SLC39A10: variants seen among roughly 807,000 people sequenced by gnomAD.
The protein encoded by SLC39A10 is solute carrier family 39 member 10.
A neutral mutation model predicts 65.1 loss-of-function variants in SLC39A10; 13 were observed. The ratio of observed to expected loss-of-function variants is 0.20; its 90% CI spans 0.13 to 0.32. SLC39A10 has a LOEUF of 0.32. SLC39A10 is among the 10% of genes least tolerant of loss of function. SLC39A10 has a pLI of 1.00. For synonymous variants in SLC39A10, 321 were observed against 342.2 expected, an observed-to-expected ratio of 0.94 and a Z score of 0.68; for missense variants, 831 against 1,018.4, an observed-to-expected ratio of 0.82 and a Z score of 2.50.
intron 9 of SLC39A10, among the ~76,000 whole-genome samples, chr2:195,734,180 AGTT>A (rs1257454729): frequency 4.8e-5 from 7 of 147,122 alleles, no homozygotes; most frequent in Non-Finnish European, 9.0e-5. Context: ...AAAAAAAAAA[AGTT>A]TTTTTGAGAT....
At chr2:195,658,279 C>T (rs988176314) in intron 1 of SLC39A10, 2 of 152,172 alleles carry the variant, frequency 1.3e-5, no homozygotes, top group Admixed American at 1.3e-4. Flanking sequence ...GGAGCCTGTC[C>T]ACATGGGCTG....
At chr2:195,632,290 CTTTTTTTTTTTTT>C (rs202193660) in intron 2 of SLC39A10, among the ~76,000 whole-genome samples, 30 of 69,256 alleles carry the variant, frequency 4.3e-4, no homozygotes, top group African/African-American at 1.7e-3. Context: ...ATTCTACTTC[CTTTTTTTTTTTTT>C]TTTTTTTTTT....
intron 2 of SLC39A10, among the ~76,000 whole-genome samples, chr2:195,647,779 T>TGCAG (rs1688955310): frequency 2.0e-5 from 3 of 152,078 alleles, no homozygotes; most frequent in African/African-American, 7.2e-5. Context: ...TATCAGTTAC[T>TGCAG]TATCAGAGTG....
chr2:195,736,885 T>TATCTA lies in SLC39A10; in HGVS notation c.*1845_*1849dup, dbSNP rs1553509304. 7.2e-5 allele frequency: 11 copies of TATCTA among 152,656 alleles called. No homozygotes were observed. Among genetic ancestry groups the TATCTA allele is most frequent in the African/African-American group, 1.9e-4 (8 of 41,564 alleles). The allele number at this position is 152,656 out of a possible 1,614,324, so 9.5% of individuals were successfully genotyped here. A position where few individuals can be genotyped will look rare whatever the true frequency, so the allele number is the denominator to read the frequency against. Reference sequence around the variant, plus strand: ...GCCAACTTCAAGTGATTTAGATATCTATCTATCTAGATTTCTGAACCAAGA... The same window carrying TATCTA: ...GCCAACTTCAAGTGATTTAGATATCTATCTAATCTATCTAGATTTCTGAACCAAGA... On this transcript the variant is annotated 3_prime_UTR_variant, in exon 10 of 10. Coordinates refer to ENST00000359634, the MANE Select transcript of SLC39A10 (RefSeq NM_020342.3).
intron 1 of SLC39A10, among the ~76,000 whole-genome samples, chr2:195,673,252 C>G (rs1015004117): frequency 1.3e-5 from 2 of 152,190 alleles, no homozygotes; most frequent in Non-Finnish European, 2.9e-5. Context: ...TCAGGGCTCA[C>G]TGCAGCCTTG....
At chr2:195,639,657 A>G (rs2105703975) in intron 2 of SLC39A10, among the ~76,000 whole-genome samples, 1 of 152,180 alleles carries the variant, frequency 6.6e-6, no homozygotes, top group East Asian at 1.9e-4. Flanking sequence ...AATCTCTGCT[A>G]ACTGCAACCT....
intron 2 of SLC39A10, among the ~76,000 whole-genome samples, chr2:195,617,505 T>C (rs1374995853): frequency 6.6e-6 from 1 of 151,986 alleles, no homozygotes; most frequent in African/African-American, 2.4e-5. Context: ...GATGTTGCAG[T>C]GAGCCGGGAT....
intron 7 of SLC39A10, chr2:195,717,219 T>C: frequency 2.1e-6 from 1 of 475,784 alleles, no homozygotes; most frequent in South Asian, 5.2e-5. Context: ...ATGTCTGTAG[T>C]ATATTTCTTT....
chr2:195,713,126 G>T (rs1691657244), intron 5 of SLC39A10, among the ~76,000 whole-genome samples: 1 of 152,124 alleles, frequency 6.6e-6, no homozygotes, highest in African/African-American at 2.4e-5. Flanking sequence ...TTGGATAAGA[G>T]ATTTTACACA....
At chr2:195,646,432 T>G (rs1688916847) in intron 2 of SLC39A10, among the ~76,000 whole-genome samples, 1 of 152,222 alleles carries the variant, frequency 6.6e-6, no homozygotes. Flanking sequence ...TTACCACATA[T>G]GTGGTGGCTT....
At chr2:195,705,796 A>C (rs765533584) in intron 3 of SLC39A10, among the ~76,000 whole-genome samples, 2 of 152,210 alleles carry the variant, frequency 1.3e-5, no homozygotes, top group East Asian at 3.8e-4. Flanking sequence ...AATTGTAATG[A>C]AAATGTCCAG....
chr2:195,719,400 C>A (rs558040303), intron 8 of SLC39A10, among the ~76,000 whole-genome samples: 1 of 152,290 alleles, frequency 6.6e-6, no homozygotes, highest in Admixed American at 6.5e-5. Flanking sequence ...TATGTAGCAC[C>A]TGTTATTGGA....
chr2:195,614,264 T>C (rs1285578189), intron 2 of SLC39A10, among the ~76,000 whole-genome samples: 1 of 152,242 alleles, frequency 6.6e-6, no homozygotes, highest in Non-Finnish European at 1.5e-5. Flanking sequence ...ACTGTTTTAC[T>C]TTGCACCAGT....
chr2:195,626,551 T>G (rs1320640083), intron 2 of SLC39A10, among the ~76,000 whole-genome samples: 2 of 152,162 alleles, frequency 1.3e-5, no homozygotes, highest in African/African-American at 4.8e-5. Context: ...TACAAGTACT[T>G]TTTTTCAGGG....
intron 2 of SLC39A10, among the ~76,000 whole-genome samples, chr2:195,620,590 A>G (rs1688329507): frequency 6.6e-6 from 1 of 152,190 alleles, no homozygotes; most frequent in South Asian, 2.1e-4. Flanking sequence ...TCCTCTATTT[A>G]GCAAGCACTC....
At chr2:195,649,605 G>A (rs994389424) in intron 2 of SLC39A10, among the ~76,000 whole-genome samples, 5 of 152,106 alleles carry the variant, frequency 3.3e-5, no homozygotes, top group East Asian at 1.9e-4. Flanking sequence ...AAAAATTTAC[G>A]TGGTAACTTA....
At chr2:195,619,519 G>A (rs1688303893) in intron 2 of SLC39A10, among the ~76,000 whole-genome samples, 1 of 152,182 alleles carries the variant, frequency 6.6e-6, no homozygotes, top group Non-Finnish European at 1.5e-5. Context: ...CTAACACAGG[G>A]CTGAGGTGTG....
chr2:195,691,017 G>A (rs937122767), intron 3 of SLC39A10, among the ~76,000 whole-genome samples: 14 of 151,522 alleles, frequency 9.2e-5, no homozygotes, highest in Admixed American at 2.6e-4. Context: ...CACCCTTTCC[G>A]CTGAGTCCCC....
intron 6 of SLC39A10, among the ~76,000 whole-genome samples, chr2:195,714,142 A>G (rs1691702692): frequency 6.6e-6 from 1 of 152,080 alleles, no homozygotes. Context: ...CGTGTCAGCC[A>G]GGATGGTCTC....
Sources: gnomAD v4.1 joint callset for allele counts (sites outside exome capture counted in the v4.1 genomes callset) on GRCh38, gnomAD v4.1.1 for gene constraint, MANE v1.5 for transcripts, NCBI Gene and HGNC (gene_info 2026-07-23, HGNC 2026-07-21) for gene names.